PSMD1: variants seen among roughly 807,000 people sequenced by gnomAD.
The protein encoded by PSMD1 is 26S proteasome non-ATPase regulatory subunit 1.
In PSMD1, 18 loss-of-function variants were observed where a neutral mutation model predicts 119.0. The observed-to-expected ratio is 0.15, with a 90% CI of 0.10 to 0.22. The LOEUF is 0.22. Among genes scored for constraint, PSMD1 ranks in the 10% least tolerant of loss-of-function variants. The pLI is 1.00. For synonymous variants in PSMD1, 374 were observed against 396.6 expected (o/e 0.94, Z 0.68); for missense variants, 702 against 1,158.5 (o/e 0.61, Z 5.72).
intron 16 of PSMD1, chr2:231,113,953 A>C (rs761123919): frequency 6.9e-6 from 11 of 1,597,556 alleles, no homozygotes; most frequent in Non-Finnish European, 9.4e-6. Flanking sequence ...AAACAAGACA[A>C]ACATTTTATT....
chr2:231,159,049 TAGTCA>T (rs1389026708), intron 19 of PSMD1, among the ~76,000 whole-genome samples: 7 of 152,184 alleles, frequency 4.6e-5, no homozygotes, highest in Non-Finnish European at 7.4e-5. Context: ...CTGCTTGGTT[TAGTCA>T]AGTCAAGTCA....
chr2:231,113,933 A>G, intron 16 of PSMD1: 1 of 1,612,654 alleles, frequency 6.2e-7, no homozygotes, highest in Non-Finnish European at 8.5e-7. Flanking sequence ...ATAGCCTCTG[A>G]AAGAAACAAA....
rs540522434 is a variant in PSMD1 at position 231,070,589 on chromosome 2, T to G, written c.654+421T>G. Among the ~76,000 whole-genome samples, 4 of 152,246 alleles carry G rather than the reference T, an allele frequency of 2.6e-5. No homozygotes were observed. The South Asian group carries it at 8.3e-4, about 32-fold the overall frequency. On this transcript the variant is annotated intron_variant, in intron 6 of 24. Coordinates refer to ENST00000308696, the MANE Select transcript of PSMD1 (RefSeq NM_002807.4). ...CACCAAAACATTTGGGTATCTTTTC[T>G]TTATCTCTTTCTATATATAAATTTG...
chr2:231,125,466 A>T (rs948457518), intron 16 of PSMD1, among the ~76,000 whole-genome samples: 1 of 152,228 alleles, frequency 6.6e-6, no homozygotes, highest in African/African-American at 2.4e-5. Context: ...GTGAAACAAG[A>T]TTCTTATCTA....
intron 16 of PSMD1, among the ~76,000 whole-genome samples, chr2:231,105,033 C>G (rs1346752227): frequency 6.6e-6 from 1 of 151,992 alleles, no homozygotes; most frequent in East Asian, 1.9e-4. Context: ...GATATGAATA[C>G]TAAAAACATG....
intron 16 of PSMD1, among the ~76,000 whole-genome samples, chr2:231,094,244 G>A (rs1187093055): frequency 6.6e-6 from 1 of 152,094 alleles, no homozygotes; most frequent in African/African-American, 2.4e-5. Context: ...CTTTGGGTGA[G>A]TTTAAATTGT....
chr2:231,074,990 A>C (rs1559220199), intron 7 of PSMD1, among the ~76,000 whole-genome samples: 1 of 151,906 alleles, frequency 6.6e-6, no homozygotes, highest in Non-Finnish European at 1.5e-5. Flanking sequence ...CACTATACCT[A>C]GTTCATTATT....
intron 16 of PSMD1, among the ~76,000 whole-genome samples, chr2:231,105,703 T>G (rs904926612): frequency 6.6e-6 from 1 of 152,154 alleles, no homozygotes; most frequent in African/African-American, 2.4e-5. Context: ...CAACTGTTTT[T>G]TAGACCACAC....
intron 19 of PSMD1, among the ~76,000 whole-genome samples, chr2:231,157,986 A>C (rs372952778): frequency 5.3e-5 from 8 of 152,052 alleles, no homozygotes; most frequent in African/African-American, 7.2e-5. Flanking sequence ...GCGTTAGAAA[A>C]ATTTGCAGTC....
At chr2:231,074,515 AATT>A (rs1290242809) in intron 7 of PSMD1, among the ~76,000 whole-genome samples, 3 of 151,800 alleles carry the variant, frequency 2.0e-5, no homozygotes, top group African/African-American at 4.8e-5. Flanking sequence ...TCATTTCTGA[AATT>A]ATTATTTTTT....
chr2:231,066,022 A>C (rs1162693424), intron 4 of PSMD1, among the ~76,000 whole-genome samples: 1 of 152,214 alleles, frequency 6.6e-6, no homozygotes, highest in Non-Finnish European at 1.5e-5. Context: ...ATACACTAAT[A>C]TGCTATACAG....
In PSMD1 at chr2:231,078,102, T is replaced by C. The variant is rs1694211585; in HGVS notation, c.1072-557T>C. On this transcript the variant is annotated intron_variant, in intron 9 of 24. Transcript: ENST00000308696. ...GGCCAACATGGTGAAACCCCGTCTCTACTTAAAATACAAAAATTAGCCGGG... is the reference window on the plus strand; with the variant it reads ...GGCCAACATGGTGAAACCCCGTCTCCACTTAAAATACAAAAATTAGCCGGG... 2.6e-5 allele frequency among the ~76,000 whole-genome samples: 4 copies of C among 152,310 alleles called. No individual in the cohort carries two copies. In the South Asian group the frequency reaches 8.3e-4, roughly 32 times the overall value.
At chr2:231,123,832 A>C in intron 16 of PSMD1, 1 of 1,236,054 alleles carries the variant, frequency 8.1e-7, no homozygotes, top group Non-Finnish European at 1.2e-6. Flanking sequence ...TAAGCTGCTC[A>C]TCTGTTTTTT....
intron 7 of PSMD1, among the ~76,000 whole-genome samples, chr2:231,074,228 C>G (rs1029662949): frequency 4.6e-5 from 7 of 152,126 alleles, no homozygotes. Context: ...GCCTCAGCCT[C>G]CTGAGTAGCT....
intron 6 of PSMD1, among the ~76,000 whole-genome samples, chr2:231,070,829 T>C (rs1429092007): frequency 6.6e-6 from 1 of 152,116 alleles, no homozygotes; most frequent in Non-Finnish European, 1.5e-5. Flanking sequence ...AATTGCTATG[T>C]TGTATACATT....
chr2:231,110,364 G>GA (rs2125207393), intron 16 of PSMD1, among the ~76,000 whole-genome samples: 1 of 152,150 alleles, frequency 6.6e-6, no homozygotes, highest in Non-Finnish European at 1.5e-5. Context: ...TATACCTCAT[G>GA]TTAGTTTTCT....
intron 16 of PSMD1, 103 bp from the exon 17 acceptor site, chr2:231,138,633 T>A: frequency 1.3e-6 from 1 of 763,438 alleles, no homozygotes; most frequent in Non-Finnish European, 2.2e-6. Flanking sequence ...TAAATGCTCA[T>A]TGTTTCCTAT....
At chr2:231,108,804 A>G (rs1695051524) in intron 16 of PSMD1, 1 of 1,614,060 alleles carries the variant, frequency 6.2e-7, no homozygotes, top group Admixed American at 1.7e-5. Flanking sequence ...GCATCCCGAA[A>G]TGTCTTATTG....
At chr2:231,085,224 CT>C in intron 15 of PSMD1, 110 bp downstream of exon 15, 1 of 876,290 alleles carries the variant, frequency 1.1e-6, no homozygotes, top group Non-Finnish European at 1.9e-6. Flanking sequence ...CACCAGTGGT[CT>C]TAGGTTGTGA....
Sources: allele counts gnomAD v4.1 joint callset (sites outside exome capture counted in the v4.1 genomes callset), GRCh38; gene constraint gnomAD v4.1.1; transcripts MANE v1.5; gene names NCBI Gene and HGNC (gene_info 2026-07-23, HGNC 2026-07-21).